The following DLG2 variants were observed in gnomAD, a reference collection of about 807,000 sequenced individuals.
DLG2 encodes discs large MAGUK scaffold protein 2.
DLG2 carries 45 observed loss-of-function variants against 132.5 expected under a neutral mutation model. The observed-to-expected ratio is 0.34, with a 90% CI of 0.27 to 0.44. The LOEUF (loss-of-function observed/expected upper bound fraction) is 0.44. DLG2 is among the 20% of genes least tolerant of loss of function. DLG2 has a pLI of 1.00. For synonymous variants in DLG2, 424 were observed against 419.6 expected, an observed-to-expected ratio of 1.01 and a Z score of -0.13; for missense variants, 1,045 against 1,196.9, an observed-to-expected ratio of 0.87 and a Z score of 1.87.
chr11:84,509,209 T>C (rs1395816970), intron 7 of DLG2, among the ~76,000 whole-genome samples: 1 of 152,208 alleles, frequency 6.6e-6, no homozygotes, highest in Admixed American at 6.5e-5. Context: ...GCATAAAGTC[T>C]GAATTCTGGA....
intron 6 of DLG2, among the ~76,000 whole-genome samples, chr11:84,788,535 T>G (rs2073309448): frequency 6.6e-6 from 1 of 152,172 alleles, no homozygotes; most frequent in African/African-American, 2.4e-5. Flanking sequence ...ATTACTTTTC[T>G]TAGTATTCCA....
intron 19 of DLG2, among the ~76,000 whole-genome samples, chr11:83,581,948 C>CTTTTTTTTTTTTTTT (rs71849863): frequency 1.9e-5 from 1 of 52,634 alleles, no homozygotes; most frequent in Non-Finnish European, 3.1e-5. Context: ...AGTTTGGACT[C>CTTTTTTTTTTTTTTT]TTTTTTTTTT....
chr11:85,507,351 G>A (rs946197034), intron 3 of DLG2, among the ~76,000 whole-genome samples: 3 of 152,180 alleles, frequency 2.0e-5, no homozygotes, highest in African/African-American at 7.2e-5. Context: ...GCTGGTACCA[G>A]TTGTTGCTTT....
chr11:84,014,264 A>G (rs1397568316), intron 11 of DLG2, among the ~76,000 whole-genome samples: 1 of 152,160 alleles, frequency 6.6e-6, no homozygotes, highest in East Asian at 1.9e-4. Context: ...CTTGTGAAAC[A>G]CCAAATGTTT....
chr11:85,481,989 C>G (rs1159694074), intron 3 of DLG2, among the ~76,000 whole-genome samples: 1 of 152,132 alleles, frequency 6.6e-6, no homozygotes, highest in Non-Finnish European at 1.5e-5. Context: ...AAGCCTGCCA[C>G]AGCACAAGGC....
At chr11:83,593,366 T>A (rs1416852754) in intron 19 of DLG2, among the ~76,000 whole-genome samples, 3 of 151,140 alleles carry the variant, frequency 2.0e-5, no homozygotes, top group South Asian at 4.2e-4. Context: ...AAATTGGAAA[T>A]CATCATTCTC....
chr11:83,481,786 T>TTAAG (rs1189572284), intron 22 of DLG2, among the ~76,000 whole-genome samples: 4 of 152,272 alleles, frequency 2.6e-5, no homozygotes, highest in African/African-American at 7.2e-5. Context: ...GATTATTATC[T>TTAAG]TAAGTGCCTT....
intron 6 of DLG2, among the ~76,000 whole-genome samples, chr11:84,877,289 A>C (rs758406308): frequency 6.6e-6 from 1 of 151,926 alleles, no homozygotes; most frequent in African/African-American, 2.4e-5. Flanking sequence ...GTGGGGTGTA[A>C]AAGTCTCCCA....
At chr11:85,605,771 G>A (rs2080485767) in intron 2 of DLG2, among the ~76,000 whole-genome samples, 1 of 152,198 alleles carries the variant, frequency 6.6e-6, no homozygotes. Context: ...CTGAGGTCAG[G>A]AGATCGAGAC....
intron 3 of DLG2, among the ~76,000 whole-genome samples, chr11:85,442,287 A>C (rs2091819977): frequency 6.6e-6 from 1 of 152,244 alleles, no homozygotes; most frequent in Admixed American, 6.5e-5. Context: ...AAGTAGAATT[A>C]GGAAGGCCAG....
At chr11:85,526,839 A>T (rs559700617) in intron 3 of DLG2, among the ~76,000 whole-genome samples, 172 of 152,272 alleles carry the variant, frequency 1.1e-3, no homozygotes, top group African/African-American at 4.0e-3. Context: ...GGGAGCAAAA[A>T]AGGGGCCCAA....
Position 83,527,444 on chromosome 11 carries a change from G to A in DLG2, c.2193+5264C>T, listed in dbSNP as rs116757829. 2.4e-3 allele frequency among the ~76,000 whole-genome samples: 371 copies of A among 152,168 alleles called. 3 individuals carry two copies. The highest frequency in any genetic ancestry group is 8.4e-3 in the African/African-American group (347 of 41,504). ...GGTGATTAAGAGATGTATGTATGCC[G>A]GGCATTGTGGGATTCCAGCACTTTG... On this transcript the variant is annotated intron_variant, in intron 21 of 27. Coordinates refer to ENST00000376104, the MANE Select transcript of DLG2 (RefSeq NM_001142699.3).
chr11:84,513,436 A>G (rs185587762), intron 7 of DLG2, among the ~76,000 whole-genome samples: 59 of 152,262 alleles, frequency 3.9e-4, no homozygotes, highest in Middle Eastern at 3.4e-3. Flanking sequence ...ACTTCAAATT[A>G]TACTACAGGG....
intron 9 of DLG2, among the ~76,000 whole-genome samples, chr11:84,155,561 C>T (rs964089732): frequency 5.9e-5 from 9 of 151,684 alleles, no homozygotes; most frequent in Non-Finnish European, 8.8e-5. Context: ...TGGAAATACA[C>T]ACCCAATGCC....
intron 4 of DLG2, among the ~76,000 whole-genome samples, chr11:85,211,053 T>G (rs2082222044): frequency 6.6e-6 from 1 of 152,154 alleles, no homozygotes; most frequent in Admixed American, 6.6e-5. Context: ...TCAATATTAA[T>G]TTGTTTATTT....
At chr11:83,993,036 T>C (rs1436662525) in intron 11 of DLG2, among the ~76,000 whole-genome samples, 3 of 152,168 alleles carry the variant, frequency 2.0e-5, no homozygotes, top group East Asian at 3.9e-4. Flanking sequence ...AATAGCACTG[T>C]TCTAGGTTTT....
intron 6 of DLG2, among the ~76,000 whole-genome samples, chr11:84,728,013 T>C (rs1308619275): frequency 1.3e-5 from 2 of 152,220 alleles, no homozygotes; most frequent in East Asian, 3.9e-4. Flanking sequence ...TGGGGTTTTC[T>C]AAATATACAA....
intron 9 of DLG2, among the ~76,000 whole-genome samples, chr11:84,139,511 T>C (rs1483626197): frequency 2.0e-5 from 3 of 151,702 alleles, no homozygotes; most frequent in African/African-American, 7.3e-5. Flanking sequence ...TAATAATAAT[T>C]ACTATTAACA....
chr11:84,866,561 T>A (rs761410225), intron 6 of DLG2, among the ~76,000 whole-genome samples: 37 of 151,254 alleles, frequency 2.4e-4, no homozygotes, highest in Non-Finnish European at 4.9e-4. Context: ...TACTGGCTAT[T>A]TGAGCCTGGC....
Sources: gnomAD v4.1 joint callset for allele counts (sites outside exome capture counted in the v4.1 genomes callset) on GRCh38, gnomAD v4.1.1 for gene constraint, MANE v1.5 for transcripts, NCBI Gene and HGNC (gene_info 2026-07-23, HGNC 2026-07-21) for gene names.